Variants in GABRB2 observed in about 807,000 individuals in gnomAD.
The protein encoded by GABRB2 is gamma-aminobutyric acid type A receptor subunit beta2.
A neutral mutation model predicts 54.7 loss-of-function variants in GABRB2; 16 were observed. That is an observed-to-expected ratio of 0.29 (90% CI 0.20 to 0.44). The LOEUF (loss-of-function observed/expected upper bound fraction) is 0.44, where lower values mean the gene tolerates loss of function less well. Among genes scored for constraint, GABRB2 ranks in the 20% least tolerant of loss-of-function variants. The pLI is 1.00. For synonymous variants in GABRB2, 244 were observed against 233.8 expected (o/e 1.04, Z -0.40); for missense variants, 355 against 644.0 (o/e 0.55, Z 4.86).
intron 5 of GABRB2, among the ~76,000 whole-genome samples, chr5:161,347,110 C>G (rs891486235): frequency 6.6e-6 from 1 of 152,066 alleles, no homozygotes; most frequent in African/African-American, 2.4e-5. Context: ...AGAGCATGAG[C>G]TTTTTAAATG....
intron 3 of GABRB2, among the ~76,000 whole-genome samples, chr5:161,463,237 T>C (rs756731290): frequency 6.6e-6 from 1 of 151,540 alleles, no homozygotes; most frequent in African/African-American, 2.4e-5. Context: ...GTGTGAGAAA[T>C]ACTACTATAA....
chr5:161,517,572 A>G (rs1051420081), intron 3 of GABRB2, among the ~76,000 whole-genome samples: 1 of 151,758 alleles, frequency 6.6e-6, no homozygotes, highest in Admixed American at 6.6e-5. Context: ...TTGAGGGGGG[A>G]CTGGTGTAAA....
At chr5:161,546,842 A>G, upstream of GABRB2, 1 of 1,149,816 alleles carries the variant, frequency 8.7e-7, no homozygotes, top group Admixed American at 2.9e-5. Flanking sequence ...AAGGAAAAAC[A>G]TGTATATGTA....
At chr5:161,297,852 C>T (rs1326382057) in intron 9 of GABRB2, among the ~76,000 whole-genome samples, 11 of 152,272 alleles carry the variant, frequency 7.2e-5, no homozygotes, top group South Asian at 2.1e-4. Context: ...TTTTAGGAAT[C>T]GCCACACTGT....
At chr5:161,420,387 TC>T (rs376685173) in intron 4 of GABRB2, among the ~76,000 whole-genome samples, 3 of 152,358 alleles carry the variant, frequency 2.0e-5, no homozygotes, top group African/African-American at 7.2e-5. Flanking sequence ...TTGGGTGTCT[TC>T]CCTTCCTTTT....
chr5:161,295,376 G>A (rs1253657021), intron 9 of GABRB2, among the ~76,000 whole-genome samples: 1 of 152,192 alleles, frequency 6.6e-6, no homozygotes, highest in Non-Finnish European at 1.5e-5. Flanking sequence ...CTTGTGTTAA[G>A]AAGGGAAGAT....
intron 9 of GABRB2, among the ~76,000 whole-genome samples, chr5:161,303,722 C>T (rs1757603217): frequency 6.6e-6 from 1 of 152,152 alleles, no homozygotes; most frequent in Non-Finnish European, 1.5e-5. Flanking sequence ...CACCCCTTTG[C>T]CTTATGGTCC....
At chr5:161,517,203 G>A (rs973950902) in intron 3 of GABRB2, among the ~76,000 whole-genome samples, 4 of 152,116 alleles carry the variant, frequency 2.6e-5, no homozygotes, top group Non-Finnish European at 5.9e-5. Flanking sequence ...TTATATTAGT[G>A]ACCCTGAGAA....
At chr5:161,379,693 C>A (rs920341214) in intron 5 of GABRB2, among the ~76,000 whole-genome samples, 10 of 152,110 alleles carry the variant, frequency 6.6e-5, no homozygotes, top group Admixed American at 5.2e-4. Flanking sequence ...GTTTTCACTG[C>A]CTGCCACTTC....
rs539483127 is a variant in GABRB2, at chr5:161,493,040, AAAAG to A, written c.238-33200_238-33197del. Among the ~76,000 whole-genome samples the A allele has an allele frequency of 3.2e-3, 487 of 151,924 alleles. 1 individual carries two copies. The highest frequency in any genetic ancestry group is 5.6e-3 in the Non-Finnish European group (377 of 67,794). ...CAGCATTTCTGAATGATAGATTGCT[AAAAG>A]AAAGATTGTGTTAAGTGAAAGTAAG... On this transcript the variant is annotated intron_variant, in intron 3 of 9. Coordinates refer to ENST00000393959, the MANE Select transcript of GABRB2 (RefSeq NM_001371727.1).
intron 3 of GABRB2, among the ~76,000 whole-genome samples, chr5:161,505,629 C>G (rs532606900): frequency 1.3e-5 from 2 of 152,204 alleles, no homozygotes; most frequent in East Asian, 3.9e-4. Context: ...TGTCAACACA[C>G]TTTAAAATTT....
intron 3 of GABRB2, among the ~76,000 whole-genome samples, chr5:161,533,355 A>C (rs1242934641): frequency 6.6e-6 from 1 of 152,172 alleles, no homozygotes; most frequent in Non-Finnish European, 1.5e-5. Context: ...AAACTCACAG[A>C]TATCTAATTA....
At chr5:161,321,740 CT>C (rs1561606761) in intron 9 of GABRB2, among the ~76,000 whole-genome samples, 1 of 152,004 alleles carries the variant, frequency 6.6e-6, no homozygotes, top group Admixed American at 6.6e-5. Flanking sequence ...TGAAACCTAA[CT>C]TTTTTTTCTC....
At chr5:161,385,038 T>C (rs772435064) in intron 5 of GABRB2, among the ~76,000 whole-genome samples, 2 of 152,144 alleles carry the variant, frequency 1.3e-5, no homozygotes, top group Non-Finnish European at 2.9e-5. Context: ...CAGGCACCCA[T>C]GAAGTCGACT....
intron 3 of GABRB2, among the ~76,000 whole-genome samples, chr5:161,478,948 G>T (rs1486931780): frequency 6.6e-6 from 1 of 152,050 alleles, no homozygotes; most frequent in Non-Finnish European, 1.5e-5. Flanking sequence ...GCTCTGAAGA[G>T]ATCTGACAGT....
intron 5 of GABRB2, among the ~76,000 whole-genome samples, chr5:161,394,160 T>G (rs190576752): frequency 1.3e-5 from 2 of 152,178 alleles, no homozygotes; most frequent in Admixed American, 1.3e-4. Context: ...TGGAAAATAT[T>G]TTAAAAACAG....
intron 5 of GABRB2, among the ~76,000 whole-genome samples, chr5:161,401,766 A>G (rs1756199339): frequency 6.6e-6 from 1 of 152,182 alleles, no homozygotes; most frequent in Non-Finnish European, 1.5e-5. Flanking sequence ...CACAATATCC[A>G]ACTGTATATT....
Position 161,334,920 on chromosome 5 carries a change from T to C in GABRB2, c.680-16A>G, listed in dbSNP as rs1245747762. The C allele has an allele frequency of 1.2e-6, 2 of 1,612,166 alleles. No homozygotes were observed. The highest frequency in any genetic ancestry group is 2.7e-5 in the African/African-American group (2 of 74,998). ...GGATAGGAACCTAGAAAGGCAATTTTAGAACATCATCATTATCAATCAATA... is the reference window on the plus strand; with the variant it reads ...GGATAGGAACCTAGAAAGGCAATTTCAGAACATCATCATTATCAATCAATA... On this transcript the variant is annotated splice_polypyrimidine_tract_variant and intron_variant, in intron 6 of 9. Transcript: ENST00000393959.
chr5:161,447,735 G>A (rs1295880570), intron 4 of GABRB2, among the ~76,000 whole-genome samples: 1 of 152,142 alleles, frequency 6.6e-6, no homozygotes, highest in African/African-American at 2.4e-5. Flanking sequence ...CATTAGCAAA[G>A]CAAGTGATTA....
Sources: gnomAD v4.1 joint callset for allele counts (sites outside exome capture counted in the v4.1 genomes callset) on GRCh38, gnomAD v4.1.1 for gene constraint, MANE v1.5 for transcripts, NCBI Gene and HGNC (gene_info 2026-07-23, HGNC 2026-07-21) for gene names.